The following ME3 variants were observed in gnomAD, a reference collection of about 807,000 sequenced individuals.
ME3 encodes NADP-dependent malic enzyme, mitochondrial.
ME3 carries 48 observed loss-of-function variants against 68.9 expected under a neutral mutation model. The ratio of observed to expected loss-of-function variants is 0.70; its 90% confidence interval spans 0.55 to 0.89. The LOEUF (loss-of-function observed/expected upper bound fraction) is 0.89. Among genes scored for constraint, ME3 ranks in the 40% least tolerant of loss-of-function variants. The pLI is 0.00. For missense variants in ME3, 675 were observed against 797.4 expected (o/e 0.85, Z 1.85); for synonymous variants, 320 against 318.8 (o/e 1.00, Z -0.04).
chr11:86,521,021 C>T (rs1037548596), intron 4 of ME3, among the ~76,000 whole-genome samples: 24 of 152,170 alleles, frequency 1.6e-4, no homozygotes, highest in African/African-American at 5.6e-4. Context: ...GGTTCAAAGC[C>T]CAAATCCAAC....
At chr11:86,528,700 A>T (rs1248168987) in intron 4 of ME3, among the ~76,000 whole-genome samples, 2 of 151,790 alleles carry the variant, frequency 1.3e-5, no homozygotes, top group Admixed American at 6.6e-5. Context: ...GGATTAAGAA[A>T]CTCACTCAAA....
At chr11:86,473,883 T>C (rs1046238048) in intron 7 of ME3, among the ~76,000 whole-genome samples, 1 of 152,170 alleles carries the variant, frequency 6.6e-6, no homozygotes, top group Non-Finnish European at 1.5e-5. Flanking sequence ...GGAACGACTG[T>C]TTGTGGACAA....
intron 7 of ME3, among the ~76,000 whole-genome samples, chr11:86,470,054 G>T (rs1171969194): frequency 6.6e-6 from 1 of 152,100 alleles, no homozygotes; most frequent in African/African-American, 2.4e-5. Context: ...CTTCTCCCCA[G>T]TGTGTGAACC....
chr11:86,672,072 C>T, intron 1 of ME3, 114 bp from the exon 2 acceptor site: 1 of 869,808 alleles, frequency 1.1e-6, no homozygotes, highest in Admixed American at 4.3e-5. Flanking sequence ...AGGGCAGGTG[C>T]TCCCAAAGGG....
intron 5 of ME3, 55 bp from the exon 6 acceptor site, chr11:86,498,179 C>T: frequency 6.5e-7 from 1 of 1,549,688 alleles, no homozygotes; most frequent in Non-Finnish European, 8.7e-7. Context: ...TGACAGGGTG[C>T]TCATTTTAGC....
At chr11:86,657,448 T>C (rs1397256856) in intron 2 of ME3, among the ~76,000 whole-genome samples, 2 of 111,246 alleles carry the variant, frequency 1.8e-5, no homozygotes, top group African/African-American at 7.1e-5. Flanking sequence ...GAGGGGAACA[T>C]CATACATTGG....
intron 1 of ME3, 58 bp downstream of exon 1, chr11:86,672,266 C>T (rs762704267): frequency 1.0e-5 from 3 of 297,672 alleles, no homozygotes; most frequent in Non-Finnish European, 1.8e-5. Flanking sequence ...GGCGAGGGGT[C>T]CCCGTACCCC....
chr11:86,661,939 T>C (rs543900476), intron 2 of ME3, among the ~76,000 whole-genome samples: 2 of 152,264 alleles, frequency 1.3e-5, no homozygotes, highest in South Asian at 2.1e-4. Context: ...AAAATGACTA[T>C]TGAATAAATT....
At chr11:86,645,513 G>A (rs1442803274) in intron 2 of ME3, among the ~76,000 whole-genome samples, 1 of 152,174 alleles carries the variant, frequency 6.6e-6, no homozygotes, top group African/African-American at 2.4e-5. Flanking sequence ...TCTCCCCTTT[G>A]GGCAGGGCAT....
intron 10 of ME3, among the ~76,000 whole-genome samples, 194 bp from the exon 11 acceptor site, chr11:86,448,449 G>T (rs1484252197): frequency 6.6e-6 from 1 of 151,716 alleles, no homozygotes; most frequent in Non-Finnish European, 1.5e-5. Flanking sequence ...GTGAGAGTGG[G>T]GTGTGTGTGT....
intron 2 of ME3, among the ~76,000 whole-genome samples, chr11:86,597,114 A>G (rs1565189065): frequency 6.6e-6 from 1 of 152,260 alleles, no homozygotes; most frequent in Non-Finnish European, 1.5e-5. Context: ...AGGTAATAAC[A>G]GGTAACAGGG....
At chr11:86,575,917 A>C (rs1360313251) in intron 2 of ME3, among the ~76,000 whole-genome samples, 1 of 152,114 alleles carries the variant, frequency 6.6e-6, no homozygotes, top group Non-Finnish European at 1.5e-5. Flanking sequence ...GATAAAGTGG[A>C]GTGTGAAATT....
intron 7 of ME3, among the ~76,000 whole-genome samples, chr11:86,466,031 A>G (rs936805069): frequency 1.3e-5 from 2 of 152,180 alleles, no homozygotes; most frequent in Non-Finnish European, 2.9e-5. Flanking sequence ...TTTAAAATCC[A>G]TGCTAGCATT....
At chr11:86,643,586 C>A (rs1326792808) in intron 2 of ME3, among the ~76,000 whole-genome samples, 1 of 152,154 alleles carries the variant, frequency 6.6e-6, no homozygotes, top group African/African-American at 2.4e-5. Flanking sequence ...AGATCAAAGG[C>A]CAGCTACTTT....
Position 86,531,274 on chromosome 11 carries a change from A to T in ME3, c.468-22407T>A, listed in dbSNP as rs374115930. On this transcript the variant is annotated intron_variant, in intron 4 of 14. Transcript: ENST00000543262. ...TGCTCATCATCACTGGCCATCAGAG[A>T]AATGCAAATCAAAACCACAATGAGA... Among the ~76,000 whole-genome samples the T allele has an allele frequency of 1.8e-4, 27 of 152,374 alleles. No individual in the cohort carries two copies. In the South Asian group the frequency reaches 3.9e-3, roughly 22 times the overall value.
chr11:86,468,622 TAAG>T (rs908472296), intron 7 of ME3, among the ~76,000 whole-genome samples: 5 of 152,278 alleles, frequency 3.3e-5, no homozygotes, highest in African/African-American at 1.2e-4. Flanking sequence ...AAAAACCAAT[TAAG>T]AAGAGAAAAT....
chr11:86,603,501 T>C (rs1050776556), intron 2 of ME3, among the ~76,000 whole-genome samples: 2 of 152,162 alleles, frequency 1.3e-5, no homozygotes, highest in African/African-American at 4.8e-5. Flanking sequence ...ACGGTGGGAC[T>C]GTAAACTAGT....
intron 6 of ME3, among the ~76,000 whole-genome samples, chr11:86,496,428 A>AAGAAG (rs1001260156): frequency 2.0e-5 from 3 of 152,010 alleles, no homozygotes; most frequent in Non-Finnish European, 4.4e-5. Context: ...AAGAAAAGAA[A>AAGAAG]AGAAAAGAAA....
At chr11:86,603,948 G>T (rs184678502) in intron 2 of ME3, among the ~76,000 whole-genome samples, 1 of 106,432 alleles carries the variant, frequency 9.4e-6, no homozygotes, top group Non-Finnish European at 1.8e-5. Flanking sequence ...ACTGTTGTGG[G>T]GTGGGGGGAG....
Sources: gnomAD v4.1 joint callset for allele counts (sites outside exome capture counted in the v4.1 genomes callset) on GRCh38, gnomAD v4.1.1 for gene constraint, MANE v1.5 for transcripts, NCBI Gene and HGNC (gene_info 2026-07-23, HGNC 2026-07-21) for gene names.